Variants in FSTL5 observed in about 807,000 individuals in gnomAD.
The protein encoded by FSTL5 is follistatin-related protein 5.
In FSTL5, 62 loss-of-function variants were observed where a neutral mutation model predicts 89.1. The observed-to-expected ratio is 0.70, with a 90% CI of 0.57 to 0.86. The LOEUF is 0.86. Among genes scored for constraint, FSTL5 ranks in the 40% least tolerant of loss-of-function variants. The pLI is 0.00. For missense variants in FSTL5, 1,057 were observed against 1,001.6 expected (o/e 1.06, Z -0.75); for synonymous variants, 383 against 346.2 (o/e 1.11, Z -1.18).
intron 15 of FSTL5, among the ~76,000 whole-genome samples, chr4:161,446,798 C>T (rs778255277): frequency 6.6e-6 from 1 of 152,046 alleles, no homozygotes; most frequent in Non-Finnish European, 1.5e-5. Flanking sequence ...ATCTTAACTT[C>T]TGACATATTT....
chr4:161,700,065 T>C (rs1390319043), intron 6 of FSTL5, among the ~76,000 whole-genome samples: 1 of 152,224 alleles, frequency 6.6e-6, no homozygotes, highest in Middle Eastern at 3.2e-3. Context: ...ACAACATAGT[T>C]CTTGTTGCAT....
At chr4:161,817,656 A>G (rs553811271) in intron 4 of FSTL5, among the ~76,000 whole-genome samples, 1 of 152,294 alleles carries the variant, frequency 6.6e-6, no homozygotes, top group Admixed American at 6.5e-5. Context: ...AGTTTTACAG[A>G]GATTTCAATT....
intron 8 of FSTL5, among the ~76,000 whole-genome samples, chr4:161,581,480 C>T (rs1452109413): frequency 6.6e-6 from 1 of 152,172 alleles, no homozygotes; most frequent in Non-Finnish European, 1.5e-5. Flanking sequence ...GTTTACCACA[C>T]CCAGTGCAGA....
intron 14 of FSTL5, 86 bp downstream of exon 14, chr4:161,459,126 T>G (rs1374868417): frequency 2.2e-6 from 2 of 916,254 alleles, no homozygotes; most frequent in African/African-American, 3.3e-5. Flanking sequence ...TGGAAAAATA[T>G]CATGGTTAAA....
intron 4 of FSTL5, among the ~76,000 whole-genome samples, chr4:161,826,742 C>T (rs1730681314): frequency 1.3e-5 from 2 of 152,150 alleles, no homozygotes; most frequent in African/African-American, 4.8e-5. Flanking sequence ...TCTGCATAGA[C>T]TATCTTTTTC....
At position 161,615,293 on chromosome 4, in the gene FSTL5, C is replaced by CAAAAAAAAAAA. The variant is rs1203046031; in HGVS notation, c.895-27729_895-27719dup. ...TGGGCAACAGAGGGAGACTCTGTCTCAAAAAAAAAAAAAAAAAAAAAAATT... is the reference window on the plus strand; with the variant it reads ...TGGGCAACAGAGGGAGACTCTGTCTCAAAAAAAAAAAAAAAAAAAAAAAAAAAAAAAAAATT... On this transcript the variant is annotated intron_variant, in intron 7 of 15. Coordinates refer to ENST00000306100, the MANE Select transcript of FSTL5 (RefSeq NM_020116.5). Among the ~76,000 whole-genome samples, 44 of 26,422 alleles carry CAAAAAAAAAAA rather than the reference C, an allele frequency of 1.7e-3. 4 individuals carry two copies. The highest frequency in any genetic ancestry group is 3.0e-3 in the African/African-American group (21 of 7,000). The allele number at this position is 26,422 out of a possible 152,430, so 17.3% of individuals were successfully genotyped here. A position where few individuals can be genotyped will look rare whatever the true frequency, so the allele number is the denominator to read the frequency against.
At chr4:161,892,670 T>G (rs1381275775) in intron 4 of FSTL5, among the ~76,000 whole-genome samples, 2 of 152,162 alleles carry the variant, frequency 1.3e-5, no homozygotes, top group African/African-American at 2.4e-5. Context: ...ACATCACAGT[T>G]TAATCTGATT....
At chr4:161,424,292 T>A (rs1262676139) in intron 15 of FSTL5, among the ~76,000 whole-genome samples, 1 of 152,116 alleles carries the variant, frequency 6.6e-6, no homozygotes, top group East Asian at 1.9e-4. Context: ...GAAGTGGTTT[T>A]AATATAATTA....
chr4:161,956,694 G>T (rs1239789823), intron 3 of FSTL5, among the ~76,000 whole-genome samples: 1 of 151,864 alleles, frequency 6.6e-6, no homozygotes, highest in Admixed American at 6.6e-5. Flanking sequence ...ACTTGATAGA[G>T]GAAGAGACAC....
chr4:161,441,328 ATTACT>A (rs1732755154), intron 15 of FSTL5, among the ~76,000 whole-genome samples: 1 of 152,080 alleles, frequency 6.6e-6, no homozygotes, highest in African/African-American at 2.4e-5. Flanking sequence ...AGCTTTATAA[ATTACT>A]TAATAAGTAT....
chr4:161,479,040 T>C (rs1052258966), intron 13 of FSTL5, among the ~76,000 whole-genome samples: 4 of 152,040 alleles, frequency 2.6e-5, no homozygotes, highest in African/African-American at 9.7e-5. Context: ...AGGTAGTATC[T>C]AGAAGGAGTA....
intron 4 of FSTL5, among the ~76,000 whole-genome samples, chr4:161,792,918 C>T (rs554147811): frequency 6.6e-6 from 1 of 152,240 alleles, no homozygotes; most frequent in East Asian, 1.9e-4. Flanking sequence ...TGCCACGTTG[C>T]TGGTGACAAG....
intron 7 of FSTL5, among the ~76,000 whole-genome samples, chr4:161,601,567 A>T (rs762155429): frequency 1.3e-5 from 2 of 152,094 alleles, no homozygotes; most frequent in Non-Finnish European, 2.9e-5. Context: ...GTCTGGCACC[A>T]CCCATGCTTG....
At chr4:161,641,235 A>G (rs1443849952) in intron 7 of FSTL5, among the ~76,000 whole-genome samples, 1 of 152,218 alleles carries the variant, frequency 6.6e-6, no homozygotes, top group Non-Finnish European at 1.5e-5. Flanking sequence ...GGTAAATGCA[A>G]GGACATTGTA....
At chr4:162,040,607 A>C (rs1186069018) in intron 2 of FSTL5, among the ~76,000 whole-genome samples, 1 of 152,146 alleles carries the variant, frequency 6.6e-6, no homozygotes, top group Non-Finnish European at 1.5e-5. Context: ...AATCCACTAT[A>C]TCAAGTGTAC....
chr4:162,158,451 G>T (rs1733567797), intron 1 of FSTL5, among the ~76,000 whole-genome samples: 1 of 152,012 alleles, frequency 6.6e-6, no homozygotes, highest in African/African-American at 2.4e-5. Context: ...TAATTTCAAT[G>T]ACTTAATAAT....
intron 8 of FSTL5, among the ~76,000 whole-genome samples, chr4:161,579,377 G>A (rs562814165): frequency 2.0e-5 from 3 of 152,204 alleles, no homozygotes; most frequent in African/African-American, 7.2e-5. Flanking sequence ...AATTCTAAAT[G>A]TTATGGAGTA....
intron 4 of FSTL5, among the ~76,000 whole-genome samples, chr4:161,889,016 A>G (rs1732903474): frequency 6.6e-6 from 1 of 152,166 alleles, no homozygotes; most frequent in African/African-American, 2.4e-5. Context: ...TGTGTTAGGA[A>G]TTAAGAATTC....
intron 4 of FSTL5, among the ~76,000 whole-genome samples, chr4:161,878,722 CTA>C (rs1732529297): frequency 6.6e-6 from 1 of 151,946 alleles, no homozygotes; most frequent in African/African-American, 2.4e-5. Flanking sequence ...ATCAGGTTTA[CTA>C]TATATTAGTG....
Sources: allele counts gnomAD v4.1 joint callset (sites outside exome capture counted in the v4.1 genomes callset), GRCh38; gene constraint gnomAD v4.1.1; transcripts MANE v1.5; gene names NCBI Gene and HGNC (gene_info 2026-07-23, HGNC 2026-07-21).